Variants in RPA1 observed in about 807,000 individuals in gnomAD.
The protein encoded by RPA1 is replication protein A1, also known as replication protein A 70 kDa DNA-binding subunit.
In RPA1, 49 loss-of-function variants were observed where a neutral mutation model predicts 83.0. The observed-to-expected ratio is 0.59, with a 90% CI of 0.47 to 0.75. RPA1 has a LOEUF of 0.75. Among genes scored for constraint, RPA1 ranks in the 30% least tolerant of loss-of-function variants. The pLI is 0.00. For missense variants in RPA1, 693 were observed against 776.1 expected, an observed-to-expected ratio of 0.89 and a Z score of 1.27; for synonymous variants, 279 against 281.8, an observed-to-expected ratio of 0.99 and a Z score of 0.10.
Position 1,843,930 on chromosome 17 carries a change from C to G in RPA1, c.95C>G (p.Pro32Arg). The G allele has an allele frequency of 6.2e-7, 1 of 1,613,786 alleles. No individual in the cohort carries two copies. The highest frequency in any genetic ancestry group is 1.7e-4 in the Middle Eastern group (1 of 6,052). ...KPILQVINIRPITTGNSPPRY... is the reference protein window; with the variant it reads ...KPILQVINIRRITTGNSPPRY... ...AGTTTTCTGTCCTAGAACATCCGTC[C>G]CATTACTACGGGGAATAGTCCGCCG... is the stretch of plus-strand genomic sequence containing the variant. The change falls in exon 3 of 17, where the codon CCC becomes CGC. Residue 32 changes from proline (P) to arginine (R), a missense_variant. Physicochemically the swap from Pro to Arg is moderately radical, Grantham distance 103. Coordinates refer to ENST00000254719, the MANE Select transcript of RPA1 (RefSeq NM_002945.5).
intron 15 of RPA1, among the ~76,000 whole-genome samples, chr17:1,892,164 G>A (rs1914227937): frequency 6.6e-6 from 1 of 152,008 alleles, no homozygotes; most frequent in South Asian, 2.1e-4. Context: ...CCGCCACGAT[G>A]CCCGGCTAGT....
chr17:1,883,979 T>G (rs775691013), intron 13 of RPA1, 35 bp downstream of exon 13: 1 of 1,612,030 alleles, frequency 6.2e-7, no homozygotes, highest in Admixed American at 1.7e-5. Flanking sequence ...CACAAAGGGC[T>G]GTAAAGTGTG....
At chr17:1,843,343 C>G (rs531511399) in intron 2 of RPA1, among the ~76,000 whole-genome samples, 2 of 152,000 alleles carry the variant, frequency 1.3e-5, no homozygotes, top group South Asian at 4.2e-4. Flanking sequence ...ATGGGTCTCT[C>G]TGCTGCACCA....
At chr17:1,834,440 A>T (rs1048924358) in intron 1 of RPA1, among the ~76,000 whole-genome samples, 2 of 152,216 alleles carry the variant, frequency 1.3e-5, no homozygotes, top group African/African-American at 4.8e-5. Flanking sequence ...AAAGTTTCAC[A>T]TGTGTTTGTG....
intron 10 of RPA1, 21 bp from the exon 11 acceptor site, chr17:1,879,539 T>C (rs1913697898): frequency 1.9e-6 from 3 of 1,614,046 alleles, no homozygotes; most frequent in Admixed American, 1.7e-5. Flanking sequence ...CACCTCCTGC[T>C]AACACGTGCA....
At chr17:1,855,210 T>G (rs941170924) in intron 5 of RPA1, among the ~76,000 whole-genome samples, 2 of 152,130 alleles carry the variant, frequency 1.3e-5, no homozygotes, top group African/African-American at 4.8e-5. Context: ...TGACCCAGGC[T>G]GGAGTGCAGT....
At chr17:1,862,158 C>G (rs965672937) in intron 5 of RPA1, among the ~76,000 whole-genome samples, 1 of 149,094 alleles carries the variant, frequency 6.7e-6, no homozygotes, top group East Asian at 2.0e-4. Flanking sequence ...TCCCAAAGTG[C>G]TGGGATTACA....
chr17:1,870,824 T>C (rs2151283344), intron 5 of RPA1, among the ~76,000 whole-genome samples: 1 of 152,280 alleles, frequency 6.6e-6, no homozygotes, highest in African/African-American at 2.4e-5. Flanking sequence ...AGTTTAGTGG[T>C]TTTGGAGATG....
rs1914505231 is a variant in RPA1 at position 1,897,893 on chromosome 17, T to C, written c.*718T>C. 6.6e-6 allele frequency: 1 copy of C among 152,668 alleles called. No homozygotes were observed. The highest frequency in any genetic ancestry group is 2.4e-5 in the African/African-American group (1 of 41,466). 9.5% of individuals were successfully genotyped at this position (152,668 alleles called of 1,614,324 possible). ...GAGCGGCTACAAAGCGTTTCTTTAC[T>C]TCTCACTTCAATTAATGCTGCGCTT... On this transcript the variant is annotated 3_prime_UTR_variant, in exon 17 of 17. Transcript: ENST00000254719.
intron 13 of RPA1, among the ~76,000 whole-genome samples, chr17:1,885,052 G>T (rs17339025): frequency 1.3e-5 from 2 of 152,150 alleles, no homozygotes; most frequent in Non-Finnish European, 2.9e-5. Context: ...CATAGCCGGC[G>T]ATGCTGTTTG....
chr17:1,860,863 C>T (rs1912930904), intron 5 of RPA1, among the ~76,000 whole-genome samples: 1 of 152,156 alleles, frequency 6.6e-6, no homozygotes, highest in Non-Finnish European at 1.5e-5. Context: ...TTCAGGGATA[C>T]AGTTAACTTG....
intron 4 of RPA1, among the ~76,000 whole-genome samples, chr17:1,851,285 GTGTGCCCA>G (rs2151274462): frequency 7.8e-6 from 1 of 128,262 alleles, no homozygotes; most frequent in Admixed American, 8.4e-5. Flanking sequence ...GTGTGTGTGT[GTGTGCCCA>G]CACAATCTAT....
At chr17:1,856,387 AGGAG>A (rs1597433618) in intron 5 of RPA1, among the ~76,000 whole-genome samples, 1 of 151,842 alleles carries the variant, frequency 6.6e-6, no homozygotes, top group East Asian at 1.9e-4. Context: ...TCACGAGGTC[AGGAG>A]TTGGAGACCA....
chr17:1,846,775 T>A (rs916823438), intron 4 of RPA1, among the ~76,000 whole-genome samples: 4 of 152,196 alleles, frequency 2.6e-5, no homozygotes, highest in African/African-American at 9.7e-5. Context: ...ATAACTTTGA[T>A]CTCCGCATAG....
chr17:1,875,271 C>T (rs566444848), intron 6 of RPA1, among the ~76,000 whole-genome samples: 10 of 152,294 alleles, frequency 6.6e-5, no homozygotes, highest in South Asian at 2.1e-4. Flanking sequence ...AGTGCCTTGC[C>T]ATCAGTTTTA....
intron 1 of RPA1, among the ~76,000 whole-genome samples, chr17:1,838,196 C>G (rs895184570): frequency 1.3e-5 from 2 of 151,602 alleles, no homozygotes; most frequent in Non-Finnish European, 1.5e-5. Flanking sequence ...GAGGCTGAGG[C>G]GGGAGAATGG....
intron 5 of RPA1, among the ~76,000 whole-genome samples, chr17:1,864,187 C>T (rs1185850291): frequency 6.6e-6 from 1 of 152,232 alleles, no homozygotes; most frequent in Non-Finnish European, 1.5e-5. Flanking sequence ...TCCCAATAGA[C>T]AAAGGTGCTT....
At chr17:1,885,895 T>A (rs930753356) in intron 13 of RPA1, among the ~76,000 whole-genome samples, 9 of 152,268 alleles carry the variant, frequency 5.9e-5, no homozygotes, top group Non-Finnish European at 1.5e-5. Context: ...TTGCATGGGC[T>A]GCAGAATAGA....
chr17:1,860,620 G>A (rs1704445586), intron 5 of RPA1, among the ~76,000 whole-genome samples: 1 of 149,662 alleles, frequency 6.7e-6, no homozygotes, highest in African/African-American at 2.6e-5. Context: ...CTTAATTTTT[G>A]GGACATACAG....
Sources: allele counts gnomAD v4.1 joint callset (sites outside exome capture counted in the v4.1 genomes callset), GRCh38; gene constraint gnomAD v4.1.1; transcripts MANE v1.5; gene names NCBI Gene and HGNC (gene_info 2026-07-23, HGNC 2026-07-21).